Variants in IGFBP2 observed in about 807,000 individuals in gnomAD.
The protein encoded by IGFBP2 is insulin like growth factor binding protein 2, also known as insulin-like growth factor-binding protein 2.
Under a neutral mutation model 26.2 loss-of-function variants are expected in IGFBP2, and 12 were observed. The observed-to-expected ratio is 0.46, with a 90% CI of 0.29 to 0.74. The LOEUF is 0.74. Ranked by LOEUF, IGFBP2 falls within the 30% of genes least tolerant of loss-of-function variation. The pLI is 0.09. For synonymous variants in IGFBP2, 189 were observed against 200.6 expected (o/e 0.94, Z 0.49); for missense variants, 328 against 441.2 (o/e 0.74, Z 2.30).
At position 216,633,535 on chromosome 2, in the gene IGFBP2, A is replaced by G. The variant is rs866329119; in HGVS notation, c.12A>G (p.Arg4=). The change falls in exon 1 of 4, where the codon AGA becomes AGG. Residue 4 remains arginine (R), a synonymous_variant. Coordinates refer to ENST00000233809, the MANE Select transcript of IGFBP2 (RefSeq NM_000597.3). MLP[R]VGCPALPLPP... ...TGCCGACCGCCAGCATGCTGCCGAG[A>G]GTGGGCTGCCCCGCGCTGCCGCTGC... 9.2e-6 allele frequency: 8 copies of G among 865,766 alleles called. No individual in the cohort carries two copies. The highest frequency in any genetic ancestry group is 9.8e-6 in the Non-Finnish European group (7 of 717,142). The allele number at this position is 865,766 out of a possible 1,614,324, so 53.6% of individuals were successfully genotyped here.
intron 1 of IGFBP2, among the ~76,000 whole-genome samples, chr2:216,643,948 T>C (rs547489940): frequency 6.6e-6 from 1 of 152,192 alleles, no homozygotes; most frequent in East Asian, 1.9e-4. Flanking sequence ...TTTTTTCTTC[T>C]GGAGAATGGA....
chr2:216,648,861 C>G (rs1377369115), intron 1 of IGFBP2, among the ~76,000 whole-genome samples: 1 of 152,120 alleles, frequency 6.6e-6, no homozygotes, highest in Non-Finnish European at 1.5e-5. Context: ...CCTGTCTTGG[C>G]CTCCCAAAGT....
intron 1 of IGFBP2, among the ~76,000 whole-genome samples, chr2:216,637,136 A>T (rs1032121881): frequency 6.6e-6 from 1 of 152,214 alleles, no homozygotes; most frequent in Non-Finnish European, 1.5e-5. Context: ...AAAGTCGTAA[A>T]ATAGACTAGG....
intron 1 of IGFBP2, 70 bp downstream of exon 1, chr2:216,634,035 A>T (rs1313683018): frequency 6.7e-7 from 1 of 1,498,344 alleles, no homozygotes; most frequent in Middle Eastern, 2.2e-4. Flanking sequence ...GGGCGGCTGG[A>T]CCTTACGGAC....
At chr2:216,647,446 T>G (rs1697732238) in intron 1 of IGFBP2, among the ~76,000 whole-genome samples, 1 of 152,242 alleles carries the variant, frequency 6.6e-6, no homozygotes, top group South Asian at 2.1e-4. Context: ...TGAAGAAAGT[T>G]GGGTCAAATT....
At chr2:216,634,753 A>AC (rs1336717030) in intron 1 of IGFBP2, among the ~76,000 whole-genome samples, 92 of 92,144 alleles carry the variant, frequency 1.0e-3, no homozygotes, top group Non-Finnish European at 1.5e-3. Context: ...ATGCGTTGCC[A>AC]CCCCCCACCC....
upstream of IGFBP2, chr2:216,633,408 G>A (rs1697419932): frequency 5.9e-6 from 1 of 170,562 alleles, no homozygotes; most frequent in Non-Finnish European, 1.2e-5. Context: ...CCCGGCTGCG[G>A]CGGCGAGGGA....
chr2:216,633,582 T>TGCTGCC lies in IGFBP2; in HGVS notation c.64_65insCGCTGC (p.Leu21_Leu22insProLeu), dbSNP rs1461501999. On this transcript the variant is annotated inframe_insertion, in exon 1 of 4. Transcript: ENST00000233809. Reference sequence around the variant, plus strand: ...CTGCCGCCGCCGCCGCTGCTGCCGCTGCTGCTGCTGCTACTGGGCGCGAGT... The same window carrying TGCTGCC: ...CTGCCGCCGCCGCCGCTGCTGCCGCTGCTGCCGCTGCTGCTGCTACTGGGCGCGAGT... The TGCTGCC allele has an allele frequency of 2.3e-4, 223 of 970,964 alleles. No homozygotes were observed. Among genetic ancestry groups the TGCTGCC allele is most frequent in the East Asian group, 1.4e-3 (13 of 9,260 alleles). 60.1% of individuals were successfully genotyped at this position (970,964 alleles called of 1,614,324 possible).
In IGFBP2 at chr2:216,648,963, A is replaced by C. The variant is rs188137543; in HGVS notation, c.443-11594A>C. 4.6e-5 allele frequency among the ~76,000 whole-genome samples: 7 copies of C among 152,370 alleles called. No homozygotes were observed. The East Asian group carries it at 1.3e-3, about 29-fold the overall frequency. On this transcript the variant is annotated intron_variant, in intron 1 of 3. Coordinates refer to ENST00000233809, the MANE Select transcript of IGFBP2 (RefSeq NM_000597.3). ...AAAAATGCAGAAAAGTACAAAGAAC[A>C]ATGTAATAACACAAGTCTACCACCC...
At chr2:216,649,550 T>C (rs565583311) in intron 1 of IGFBP2, among the ~76,000 whole-genome samples, 2 of 152,324 alleles carry the variant, frequency 1.3e-5, no homozygotes, top group African/African-American at 4.8e-5. Flanking sequence ...TGGATGGCTT[T>C]AGTTGAACCC....
intron 1 of IGFBP2, among the ~76,000 whole-genome samples, chr2:216,641,412 C>G (rs1333642001): frequency 6.6e-6 from 1 of 152,174 alleles, no homozygotes. Flanking sequence ...ATTGGGTCAA[C>G]TACACAGATG....
chr2:216,633,867 C>T lies in IGFBP2; in HGVS notation c.344C>T (p.Pro115Leu), dbSNP rs777189317. The change falls in exon 1 of 4, where the codon CCG becomes CTG. Residue 115 changes from proline (P) to leucine (L), a missense_variant. Pro to Leu is a moderately conservative substitution (Grantham distance 98). Transcript: ENST00000233809. ...CAGGGGCTGCGCTGCTATCCCCACC[C>T]GGGCTCCGAGCTGCCCCTGCAGGCG... ...CGQGLRCYPHPGSELPLQALV... is the reference protein window; with the variant it reads ...CGQGLRCYPHLGSELPLQALV... 30 of 1,571,692 alleles carry T rather than the reference C, an allele frequency of 1.9e-5. No individual in the cohort carries two copies. Among genetic ancestry groups the T allele is most frequent in the Non-Finnish European group, 2.5e-5 (29 of 1,162,774 alleles).
intron 1 of IGFBP2, among the ~76,000 whole-genome samples, chr2:216,635,135 C>T (rs916715676): frequency 2.6e-5 from 4 of 152,090 alleles, no homozygotes; most frequent in Non-Finnish European, 4.4e-5. Context: ...CCTCCCTTCT[C>T]CTGGTCGGCT....
chr2:216,662,005 A>C lies in IGFBP2; in HGVS notation c.813+7A>C. On this transcript the variant is annotated splice_region_variant and intron_variant, in intron 3 of 3. Coordinates refer to ENST00000233809, the MANE Select transcript of IGFBP2 (RefSeq NM_000597.3). ...CCTGTACAACCTCAAACAGGTGAGC[A>C]TGGTGCCAGCCTGGGCCAGAGCAGC... The C allele has an allele frequency of 6.2e-7, 1 of 1,613,912 alleles. No homozygotes were observed. The highest frequency in any genetic ancestry group is 8.5e-7 in the Non-Finnish European group (1 of 1,179,906).
Position 216,633,829 on chromosome 2 carries a change from C to T in IGFBP2, c.306C>T (p.Thr102=), listed in dbSNP as rs1318224992. The change falls in exon 1 of 4, where the codon ACC becomes ACT. Residue 102 remains threonine (T), a synonymous_variant. Coordinates refer to ENST00000233809, the MANE Select transcript of IGFBP2 (RefSeq NM_000597.3). The part of the protein sequence containing the change: ...RLEGEACGVY[T]PRCGQGLRCY... ...AGGGCGAGGCGTGCGGCGTCTACAC[C>T]CCGCGCTGCGGCCAGGGGCTGCGCT... 3.9e-6 allele frequency: 6 copies of T among 1,536,216 alleles called. No individual in the cohort carries two copies. In the South Asian group the frequency reaches 4.8e-5, roughly 12 times the overall value.
In IGFBP2 at chr2:216,661,851, C is replaced by T. The variant is rs368713208; in HGVS notation, c.673-7C>T. The T allele has an allele frequency of 9.9e-6, 16 of 1,613,910 alleles. No individual in the cohort carries two copies. The highest frequency in any genetic ancestry group is 1.6e-4 in the Middle Eastern group (1 of 6,084). ...CTCCGGGCGTCCCCTGCTGTCTGTG[C>T]GTGCAGACTCCCTGCCAACAGGAAC... On this transcript the variant is annotated splice_region_variant and splice_polypyrimidine_tract_variant and intron_variant, in intron 2 of 3. Transcript: ENST00000233809.
chr2:216,646,667 A>G (rs1391223752), intron 1 of IGFBP2, among the ~76,000 whole-genome samples: 2 of 152,226 alleles, frequency 1.3e-5, no homozygotes, highest in African/African-American at 4.8e-5. Flanking sequence ...AGGTGAAGGC[A>G]CGTCTCACAT....
chr2:216,661,156 G>A (rs1688638133), intron 2 of IGFBP2: 1 of 306,312 alleles, frequency 3.3e-6, no homozygotes, highest in Non-Finnish European at 6.2e-6. Context: ...AGGCTGGAGT[G>A]TAATGGTGCC....
chr2:216,638,529 A>G (rs1697547163), intron 1 of IGFBP2, among the ~76,000 whole-genome samples: 1 of 152,134 alleles, frequency 6.6e-6, no homozygotes, highest in Admixed American at 6.5e-5. Flanking sequence ...AATAAAAATA[A>G]AAATAAAAAG....
Sources: gnomAD v4.1 joint callset for allele counts (sites outside exome capture counted in the v4.1 genomes callset) on GRCh38, gnomAD v4.1.1 for gene constraint, MANE v1.5 for transcripts, NCBI Gene and HGNC (gene_info 2026-07-23, HGNC 2026-07-21) for gene names.